WDHD1: variants seen among roughly 807,000 people sequenced by gnomAD.
WDHD1 encodes WD repeat and HMG-box DNA-binding protein 1.
Under a neutral mutation model 135.4 loss-of-function variants are expected in WDHD1, and 111 were observed. The observed-to-expected ratio is 0.82, with a 90% confidence interval of 0.70 to 0.96. WDHD1 has a LOEUF of 0.96. Among genes scored for constraint, WDHD1 ranks in the 40% least tolerant of loss-of-function variants. The pLI is 0.00. For missense variants in WDHD1, 1,351 were observed against 1,336.3 expected, an observed-to-expected ratio of 1.01 and a Z score of -0.17; for synonymous variants, 434 against 439.0, an observed-to-expected ratio of 0.99 and a Z score of 0.14.
intron 24 of WDHD1, among the ~76,000 whole-genome samples, chr14:54,948,257 A>T (rs1389652286): frequency 6.6e-6 from 1 of 152,004 alleles, no homozygotes; most frequent in African/African-American, 2.4e-5. Flanking sequence ...GCAAGGCATC[A>T]CCTCACCCGG....
chr14:55,021,209 G>A (rs2042341875), intron 2 of WDHD1, among the ~76,000 whole-genome samples: 1 of 152,242 alleles, frequency 6.6e-6, no homozygotes, highest in East Asian at 1.9e-4. Flanking sequence ...TCATAACATA[G>A]AAGGGTCTAT....
At chr14:55,013,391 A>T in intron 3 of WDHD1, 94 bp downstream of exon 3, 3 of 774,708 alleles carry the variant, frequency 3.9e-6, no homozygotes, top group Non-Finnish European at 6.3e-6. Context: ...AGATAAACAA[A>T]GGTATATCTA....
chr14:55,008,768 C>T, intron 4 of WDHD1, 49 bp from the exon 5 acceptor site: 3 of 1,322,280 alleles, frequency 2.3e-6, no homozygotes, highest in Non-Finnish European at 3.2e-6. Context: ...ACACAAAGGC[C>T]TCTCCTAAAA....
intron 21 of WDHD1, among the ~76,000 whole-genome samples, chr14:54,958,380 G>A (rs2041195705): frequency 6.6e-6 from 1 of 152,110 alleles, no homozygotes; most frequent in Non-Finnish European, 1.5e-5. Flanking sequence ...GTCTGCCTTG[G>A]CCTCCCACAG....
At position 54,995,670 on chromosome 14, in the gene WDHD1, G is replaced by A. The variant is rs61744409; in HGVS notation, c.1086C>T (p.Asp362=). The change falls in exon 11 of 26, where the codon GAC becomes GAT. Residue 362 remains aspartate, a synonymous_variant. Coordinates refer to ENST00000360586, the MANE Select transcript of WDHD1 (RefSeq NM_007086.4). ...TAGGACGACCTGAAGCCATCATGAG[G>A]TCTTCATCATCCTCATCATCATTTA... is the stretch of plus-strand genomic sequence containing the variant. The part of the protein sequence containing the change: ...GIINDDEDDE[D]LMMASGRPRQ... The A allele has an allele frequency of 0.035, 56,002 of 1,613,408 alleles. 1,126 individuals carry two copies. The highest frequency in any genetic ancestry group is 0.051 in the African/African-American group (3,812 of 74,964).
At chr14:55,015,310 C>T (rs896024697) in intron 2 of WDHD1, among the ~76,000 whole-genome samples, 4 of 147,002 alleles carry the variant, frequency 2.7e-5, no homozygotes, top group African/African-American at 7.6e-5. Context: ...TCATTTGAAC[C>T]CAGGAAGCAG....
At chr14:55,000,278 TG>T (rs1481401737) in intron 10 of WDHD1, among the ~76,000 whole-genome samples, 2 of 152,172 alleles carry the variant, frequency 1.3e-5, no homozygotes, top group Non-Finnish European at 2.9e-5. Context: ...AGGTATTCCT[TG>T]GAAAGGCATT....
Position 54,967,318 on chromosome 14 carries a change from G to A in WDHD1, c.2140C>T (p.Pro714Ser). 1.9e-6 allele frequency: 3 copies of A among 1,612,334 alleles called. No homozygotes were observed. Among genetic ancestry groups the A allele is most frequent in the East Asian group, 4.5e-5 (2 of 44,816 alleles). Residue 714 changes from proline to serine, a missense_variant, in exon 17 of 26, where the codon CCT becomes TCT. Pro to Ser is a moderately conservative substitution (Grantham distance 74). Around this residue, in one of 2 missense-constraint regions of WDHD1, gnomAD observed 1,330 missense variants for 1,296.1 expected, o/e 1.03. Coordinates refer to ENST00000360586, the MANE Select transcript of WDHD1 (RefSeq NM_007086.4). ...PAVAILSFKL[P>S]YCQIATEKGQ... is the part of the protein sequence containing the mutation. ...TTCTCTGTTGCAATCTGACAGTAAG[G>A]AAGCTTAAAGGATAATATAGCAACA...
chr14:55,011,552 T>TAAAAAAAAAAAA (rs2042170775), intron 3 of WDHD1, among the ~76,000 whole-genome samples: 1 of 85,468 alleles, frequency 1.2e-5, no homozygotes, highest in African/African-American at 4.2e-5. Flanking sequence ...AAAAAAAAAG[T>TAAAAAAAAAAAA]ATCCTGAGCA....
rs917604491 is a variant in WDHD1, at chr14:54,996,932, C to T, written c.943-1119G>A. On this transcript the variant is annotated intron_variant, in intron 10 of 25. Coordinates refer to ENST00000360586, the MANE Select transcript of WDHD1 (RefSeq NM_007086.4). The stretch of plus-strand genomic sequence containing the variant: ...TCAGTCTCCCAAGTAGCTGGGACTA[C>T]AGGCGCATGCCACCATGCCCAGCTA... Among the ~76,000 whole-genome samples the T allele has an allele frequency of 5.3e-5, 8 of 151,704 alleles. No individual in the cohort carries two copies. In the South Asian group the frequency reaches 1.5e-3, roughly 28 times the overall value.
chr14:55,013,937 T>C (rs1194666976), intron 2 of WDHD1, among the ~76,000 whole-genome samples: 3 of 152,130 alleles, frequency 2.0e-5, no homozygotes, highest in Non-Finnish European at 4.4e-5. Flanking sequence ...TAGTTTCATA[T>C]ACATTAGTTT....
intron 2 of WDHD1, among the ~76,000 whole-genome samples, chr14:55,024,532 A>G (rs2042400453): frequency 1.3e-5 from 2 of 152,160 alleles, no homozygotes. Context: ...CCAAGCTTCT[A>G]TCACACTTAC....
At chr14:54,997,533 A>C (rs2041902906) in intron 10 of WDHD1, among the ~76,000 whole-genome samples, 2 of 152,216 alleles carry the variant, frequency 1.3e-5, no homozygotes, top group South Asian at 4.1e-4. Flanking sequence ...TAAGTGCTAT[A>C]AGAAGATATT....
rs143448948 is a variant in WDHD1, at chr14:54,951,563, C to T, written c.3050+3998G>A. ...CAGATGGATTCACAGCCAAATTCTA[C>T]CAGAGGTACAAGGAGGAGCTGTTAC... On this transcript the variant is annotated intron_variant, in intron 24 of 25. Transcript: ENST00000360586. 1.9e-3 allele frequency among the ~76,000 whole-genome samples: 296 copies of T among 152,270 alleles called. 1 individual carries two copies. The highest frequency in any genetic ancestry group is 6.9e-3 in the African/African-American group (285 of 41,546).
At position 55,010,444 on chromosome 14, in the gene WDHD1, G is replaced by A. The variant is rs2042150201; in HGVS notation, c.206C>T (p.Thr69Ile). 1.3e-6 allele frequency: 2 copies of A among 1,588,326 alleles called. No homozygotes were observed. Among genetic ancestry groups the A allele is most frequent in the East Asian group, 2.3e-5 (1 of 44,048 alleles). ...SCALKSGKLV[T>I]AVSNNTIQVH... is the part of the protein sequence containing the mutation. ...TTGAATAGTATTATTAGAAACTGCA[G>A]TGACCAGTTTTCCACTCTAAAAGAA... The change falls in exon 4 of 26, where the codon ACT becomes ATT. Residue 69 changes from threonine (T) to isoleucine (I), a missense_variant. Thr to Ile is a moderately conservative substitution (Grantham distance 89). Coordinates refer to ENST00000360586, the MANE Select transcript of WDHD1 (RefSeq NM_007086.4).
intron 16 of WDHD1, among the ~76,000 whole-genome samples, chr14:54,978,585 T>TAAA (rs10711872): frequency 1.4e-5 from 2 of 143,180 alleles, no homozygotes; most frequent in African/African-American, 5.1e-5. Flanking sequence ...ACCCTGGCTC[T>TAAA]AAAAAAAAAA....
intron 24 of WDHD1, among the ~76,000 whole-genome samples, chr14:54,948,359 T>C (rs768918739): frequency 2.6e-5 from 4 of 152,200 alleles, no homozygotes; most frequent in South Asian, 4.1e-4. Flanking sequence ...ACCCTAATAC[T>C]GTGCTTTTCC....
intron 16 of WDHD1, among the ~76,000 whole-genome samples, chr14:54,979,062 C>T (rs1257005277): frequency 6.6e-6 from 1 of 151,988 alleles, no homozygotes; most frequent in African/African-American, 2.4e-5. Context: ...CAAAAGATTA[C>T]AAAAATGCTA....
intron 8 of WDHD1, among the ~76,000 whole-genome samples, chr14:55,001,256 G>A (rs1285651469): frequency 6.6e-6 from 1 of 151,836 alleles, no homozygotes; most frequent in Non-Finnish European, 1.5e-5. Context: ...AAATTATACT[G>A]GCACCATTTT....
Sources: allele counts gnomAD v4.1 joint callset (sites outside exome capture counted in the v4.1 genomes callset), GRCh38; gene constraint gnomAD v4.1.1; regional missense constraint gnomAD v4.1.1; transcripts MANE v1.5; gene names NCBI Gene and HGNC (gene_info 2026-07-23, HGNC 2026-07-21).